Variants in FSD2 observed in about 807,000 individuals in gnomAD.
FSD2 encodes the protein fibronectin type III and SPRY domain-containing protein 2.
FSD2 carries 71 observed loss-of-function variants against 80.4 expected under a neutral mutation model. That is an observed-to-expected ratio of 0.88 (90% CI 0.73 to 1.08). The LOEUF is 1.08. Among genes scored for constraint, FSD2 ranks in the 50% least tolerant of loss-of-function variants. FSD2 has a pLI of 0.00. For missense variants in FSD2, 923 were observed against 913.8 expected, an observed-to-expected ratio of 1.01 and a Z score of -0.13; for synonymous variants, 361 against 329.5, an observed-to-expected ratio of 1.10 and a Z score of -1.03.
intron 3 of FSD2, 48 bp downstream of exon 3, chr15:82,786,463 T>C: frequency 7.3e-7 from 1 of 1,379,126 alleles, no homozygotes; most frequent in Non-Finnish European, 1.0e-6. Context: ...GACATAGCCA[T>C]TGATGGAAGA....
intron 6 of FSD2, among the ~76,000 whole-genome samples, chr15:82,778,546 A>G (rs1240651352): frequency 2.0e-5 from 3 of 152,118 alleles, no homozygotes; most frequent in Non-Finnish European, 4.4e-5. Context: ...GGGAAGGGGA[A>G]ACGGGGAATT....
chr15:82,771,803 GGCAGCC>G (rs2049581241), intron 7 of FSD2, among the ~76,000 whole-genome samples: 1 of 152,232 alleles, frequency 6.6e-6, no homozygotes, highest in Non-Finnish European at 1.5e-5. Flanking sequence ...CTGCACACAG[GGCAGCC>G]AGAGACTGGT....
chr15:82,801,020 C>A (rs1327732756), intron 1 of FSD2, among the ~76,000 whole-genome samples: 3 of 152,186 alleles, frequency 2.0e-5, no homozygotes, highest in Non-Finnish European at 4.4e-5. Context: ...AACCCTTCCC[C>A]ATAGAAAGCC....
In FSD2 at chr15:82,759,563, C is replaced by A. The variant is rs750412289; in HGVS notation, c.2035G>T (p.Asp679Tyr). ...TTTGGTGGAACTGTTATTCTTATAT[C>A]TGGAGTTGTTCTGTTGTGCAGAAAT... ...YEFLHNRTTP[D>Y]IRITVPPKKI... The change falls in exon 13 of 13, where the codon GAT becomes TAT. Residue 679 changes from aspartate to tyrosine, a missense_variant. Physicochemically the swap from Asp to Tyr is radical, Grantham distance 160 (BLOSUM62 -3). Transcript: ENST00000334574. 1.9e-6 allele frequency: 3 copies of A among 1,601,252 alleles called. No homozygotes were observed. Among genetic ancestry groups the A allele is most frequent in the Non-Finnish European group, 2.6e-6 (3 of 1,172,958 alleles).
chr15:82,764,492 C>CTTTTTTTTTTTT lies in FSD2; in HGVS notation c.1820+662_1820+673dup, dbSNP rs60095355. Among the ~76,000 whole-genome samples the CTTTTTTTTTTTT allele has an allele frequency of 8.4e-3, 725 of 86,010 alleles. 72 individuals are homozygous for CTTTTTTTTTTTT. Among genetic ancestry groups the CTTTTTTTTTTTT allele is most frequent in the South Asian group, 0.027 (60 of 2,222 alleles). 56.4% of individuals were successfully genotyped at this position (86,010 alleles called of 152,430 possible). On this transcript the variant is annotated intron_variant, in intron 11 of 12. Transcript: ENST00000334574. ...CTCTTGTTGCTTCATTCTTTACTTG[C>CTTTTTTTTTTTT]TTTTTTTTTTTTTTTTTTTTGAGAA... is the stretch of plus-strand genomic sequence containing the variant.
chr15:82,764,476 C>T (rs1480641020), intron 11 of FSD2, among the ~76,000 whole-genome samples: 8 of 109,930 alleles, frequency 7.3e-5, no homozygotes, highest in African/African-American at 2.9e-4. Flanking sequence ...GCTCTTGTTG[C>T]TTCATTCTTT....
intron 1 of FSD2, among the ~76,000 whole-genome samples, chr15:82,795,056 C>A (rs1192533118): frequency 6.6e-6 from 1 of 152,138 alleles, no homozygotes; most frequent in South Asian, 2.1e-4. Context: ...GTGTATCCCT[C>A]TTTATCTCTA....
At chr15:82,778,732 G>C in intron 6 of FSD2, 34 bp downstream of exon 6, 4 of 1,568,866 alleles carry the variant, frequency 2.5e-6, no homozygotes, top group Non-Finnish European at 3.5e-6. Context: ...TGGGTAGTCT[G>C]AACCTGCCGC....
chr15:82,791,626 C>A (rs1427043125), intron 1 of FSD2, among the ~76,000 whole-genome samples: 2 of 152,022 alleles, frequency 1.3e-5, no homozygotes, highest in Non-Finnish European at 2.9e-5. Context: ...CCCACCTCAG[C>A]CTCCCAAAGT....
At chr15:82,802,310 C>A (rs2050433376) in intron 1 of FSD2, among the ~76,000 whole-genome samples, 1 of 152,176 alleles carries the variant, frequency 6.6e-6, no homozygotes, top group African/African-American at 2.4e-5. Flanking sequence ...ACATTGCCTG[C>A]ACTTTAGCCC....
At chr15:82,793,606 G>A (rs745846925) in intron 1 of FSD2, among the ~76,000 whole-genome samples, 11 of 152,132 alleles carry the variant, frequency 7.2e-5, no homozygotes, top group Non-Finnish European at 1.2e-4. Flanking sequence ...AAAATATAGC[G>A]TAAGTAGCAA....
intron 4 of FSD2, among the ~76,000 whole-genome samples, chr15:82,780,627 C>T (rs113490990): frequency 1.3e-5 from 2 of 151,816 alleles, no homozygotes; most frequent in Non-Finnish European, 2.9e-5. Context: ...GCCACCGTGC[C>T]TGGCTGGAAA....
Position 82,776,121 on chromosome 15 carries a change from C to T in FSD2, c.1111+2645G>A, listed in dbSNP as rs559818853. ...GCAACATAGTGAGACCTCATCTCTA[C>T]AAAAACATTGAACAAATTGTCTGGG... On this transcript the variant is annotated intron_variant, in intron 6 of 12. Transcript: ENST00000334574. 2.6e-5 allele frequency among the ~76,000 whole-genome samples: 4 copies of T among 152,102 alleles called. No homozygotes were observed. The South Asian group carries it at 8.3e-4, about 32-fold the overall frequency.
intron 11 of FSD2, among the ~76,000 whole-genome samples, chr15:82,764,773 T>G (rs1475316447): frequency 1.3e-5 from 2 of 152,072 alleles, no homozygotes; most frequent in Non-Finnish European, 2.9e-5. Flanking sequence ...CCACCGTGCC[T>G]GGCCTCTTTC....
At chr15:82,786,707 C>T in intron 2 of FSD2, 45 bp downstream of exon 2, 4 of 1,608,712 alleles carry the variant, frequency 2.5e-6, no homozygotes, top group Non-Finnish European at 2.6e-6. Flanking sequence ...ACTTGAGATA[C>T]CAAAGCAATA....
In FSD2 at chr15:82,778,833, C is replaced by G. The variant is rs759533285; in HGVS notation, c.1044G>C (p.Glu348Asp). 1.1e-5 allele frequency: 17 copies of G among 1,613,982 alleles called. No individual in the cohort carries two copies. The South Asian group carries it at 1.9e-4, about 18-fold the overall frequency. The part of the protein sequence containing the change: ...KTDVEISAQP[E>D]FEDQTLDFSD... ...AGAAATCCAAGGTCTGGTCTTCAAA[C>G]TCAGGCTGTGCAGAGATTTCCACGT... The change falls in exon 6 of 13, where the codon GAG (glutamate) becomes GAC (aspartate). Residue 348 changes from glutamate to aspartate, a missense_variant. By Grantham distance (45) the Glu-to-Asp change is conservative. Transcript: ENST00000334574.
intron 6 of FSD2, among the ~76,000 whole-genome samples, chr15:82,773,907 G>T (rs569929091): frequency 6.6e-6 from 1 of 152,218 alleles, no homozygotes; most frequent in East Asian, 1.9e-4. Context: ...AAAACAGAAT[G>T]ACTCAATTTT....
At chr15:82,781,496 G>A (rs1214469202) in intron 4 of FSD2, among the ~76,000 whole-genome samples, 1 of 152,046 alleles carries the variant, frequency 6.6e-6, no homozygotes, top group Non-Finnish European at 1.5e-5. Context: ...CCCACGCCCT[G>A]GACACCACAT....
intron 9 of FSD2, among the ~76,000 whole-genome samples, chr15:82,767,809 A>G (rs1357754206): frequency 6.6e-6 from 1 of 152,180 alleles, no homozygotes; most frequent in Non-Finnish European, 1.5e-5. Flanking sequence ...GCATATGGCC[A>G]CGTTTCAAGC....
Sources: allele counts gnomAD v4.1 joint callset (sites outside exome capture counted in the v4.1 genomes callset), GRCh38; gene constraint gnomAD v4.1.1; transcripts MANE v1.5; gene names NCBI Gene and HGNC (gene_info 2026-07-23, HGNC 2026-07-21).